ACACA: variants seen among roughly 807,000 people sequenced by gnomAD.
ACACA encodes the protein acetyl-CoA carboxylase alpha.
In ACACA, 103 loss-of-function variants were observed where a neutral mutation model predicts 296.1. The observed-to-expected ratio is 0.35, with a 90% CI of 0.30 to 0.41. The LOEUF (loss-of-function observed/expected upper bound fraction) is 0.41, where lower values mean the gene tolerates loss of function less well. Among genes scored for constraint, ACACA ranks in the 10% least tolerant of loss-of-function variants. The pLI is 1.00. For synonymous variants in ACACA, 953 were observed against 1,038.6 expected, an observed-to-expected ratio of 0.92 and a Z score of 1.58; for missense variants, 1,554 against 2,989.7, an observed-to-expected ratio of 0.52 and a Z score of 11.20.
At chr17:37,363,653 G>A (rs979007173) in intron 1 of ACACA, among the ~76,000 whole-genome samples, 1 of 151,994 alleles carries the variant, frequency 6.6e-6, no homozygotes, top group Non-Finnish European at 1.5e-5. Flanking sequence ...AGTCAGGTTT[G>A]AGTTGAATCA....
rs536446222 is a variant in ACACA at position 37,296,876 on chromosome 17, C to T, written c.339-11906G>A. On this transcript the variant is annotated intron_variant, in intron 3 of 55. Coordinates refer to ENST00000616317, the MANE Select transcript of ACACA (RefSeq NM_198834.3). ...GGATTACAGGATCCTACCACCACAC[C>T]CGGCTAATTTTTGTATTTTTAGTAG... 2.6e-5 allele frequency among the ~76,000 whole-genome samples: 4 copies of T among 151,426 alleles called. No individual in the cohort carries two copies. The East Asian group carries it at 6.0e-4, about 23-fold the overall frequency.
intron 2 of ACACA, among the ~76,000 whole-genome samples, chr17:37,338,198 A>G (rs1406407407): frequency 2.0e-5 from 3 of 151,076 alleles, no homozygotes; most frequent in Non-Finnish European, 4.4e-5. Context: ...ACTGCACTCC[A>G]GCCTGGTGAC....
At chr17:37,335,948 G>A (rs777342056) in intron 2 of ACACA, among the ~76,000 whole-genome samples, 16 of 151,850 alleles carry the variant, frequency 1.1e-4, no homozygotes, top group African/African-American at 2.4e-4. Context: ...CGAATATAAC[G>A]TAGAGCAAAG....
intron 3 of ACACA, among the ~76,000 whole-genome samples, chr17:37,314,382 AGCCACT>A (rs1290548518): frequency 6.6e-6 from 1 of 152,056 alleles, no homozygotes; most frequent in African/African-American, 2.4e-5. Context: ...TACAGGCATG[AGCCACT>A]GCGCCCGACC....
chr17:37,229,389 C>A (rs138792194), intron 25 of ACACA, among the ~76,000 whole-genome samples: 1 of 151,648 alleles, frequency 6.6e-6, no homozygotes, highest in Non-Finnish European at 1.5e-5. Flanking sequence ...CTGCAAGCTC[C>A]GCCTCCGGGG....
intron 1 of ACACA, chr17:37,389,217 T>C: frequency 6.4e-7 from 1 of 1,557,244 alleles, no homozygotes; most frequent in East Asian, 2.4e-5. Context: ...AGCCACTTCA[T>C]ATTAATACCA....
chr17:37,247,972 A>G, intron 18 of ACACA, 39 bp downstream of exon 18: 2 of 1,613,502 alleles, frequency 1.2e-6, no homozygotes, highest in Non-Finnish European at 1.7e-6. Flanking sequence ...GAAAAGGCTA[A>G]CAGGATGACC....
At position 37,235,069 on chromosome 17, in the gene ACACA, C is replaced by G. The variant is rs2080044318; in HGVS notation, c.3152G>C (p.Arg1051Pro). ...GTTCATGTCACTTTTATTCTCTTCT[C>G]GGAGGGCGAATACACATTTGTCATA... is the stretch of plus-strand genomic sequence containing the variant. ...GHYDKCVFAL[R>P]EENKSDMNTV... is the part of the protein sequence containing the mutation. The change falls in exon 25 of 56, where the codon CGA becomes CCA. Residue 1051 changes from arginine (R) to proline (P), a missense_variant. By Grantham distance (103) the Arg-to-Pro change is moderately radical (BLOSUM62 -2). Coordinates refer to ENST00000616317, the MANE Select transcript of ACACA (RefSeq NM_198834.3). The G allele has an allele frequency of 6.2e-7, 1 of 1,613,492 alleles. No homozygotes were observed. Among genetic ancestry groups the G allele is most frequent in the Non-Finnish European group, 8.5e-7 (1 of 1,179,888 alleles).
At position 37,270,905 on chromosome 17, in the gene ACACA, A is replaced by G. The variant is rs774441661; in HGVS notation, c.1009-44T>C. ...AAAAAATAGAAGAAACAGTGTTATT[A>G]CCAGGGAAGGAGAAAACTGGCATTT... On this transcript the variant is annotated intron_variant, in intron 9 of 55. Transcript: ENST00000616317. 2.7e-6 allele frequency: 4 copies of G among 1,498,736 alleles called. No individual in the cohort carries two copies. The South Asian group carries it at 4.5e-5, about 17-fold the overall frequency. The allele number at this position is 1,498,736 out of a possible 1,614,324, so 92.8% of individuals were successfully genotyped here.
chr17:37,149,554 C>T (rs764405690), intron 45 of ACACA, among the ~76,000 whole-genome samples: 13 of 152,128 alleles, frequency 8.5e-5, no homozygotes, highest in African/African-American at 2.2e-4. Flanking sequence ...CTTTCTACAA[C>T]GACACTAAAA....
intron 4 of ACACA, among the ~76,000 whole-genome samples, chr17:37,283,912 G>A (rs573688418): frequency 6.6e-6 from 1 of 152,290 alleles, no homozygotes; most frequent in East Asian, 1.9e-4. Flanking sequence ...CAGAAAGAAT[G>A]GTCACTGTTG....
chr17:37,179,463 A>G lies in ACACA; in HGVS notation c.4933-57T>C, dbSNP rs1431015786. The G allele has an allele frequency of 1.1e-5, 18 of 1,581,874 alleles. No individual in the cohort carries two copies. In the East Asian group the frequency reaches 3.4e-4, roughly 30 times the overall value. On this transcript the variant is annotated intron_variant, in intron 40 of 55. Transcript: ENST00000616317. ...CACAATAATTTCAATATAGACAAAA[A>G]TAATTATTAAGATTCAGTCAATCTG...
intron 12 of ACACA, 53 bp from the exon 13 acceptor site, chr17:37,258,426 T>C (rs2081310700): frequency 1.3e-6 from 2 of 1,554,658 alleles, no homozygotes; most frequent in African/African-American, 2.7e-5. Flanking sequence ...TCCCTTAAAG[T>C]GTAGAGGCTA....
intron 1 of ACACA, among the ~76,000 whole-genome samples, chr17:37,390,285 AAT>A (rs534154921): frequency 1.6e-4 from 8 of 49,320 alleles, no homozygotes; most frequent in African/African-American, 5.8e-4. Context: ...TATTATATAT[AAT>A]TATATATTAT....
At chr17:37,283,867 T>C (rs2146597880) in intron 4 of ACACA, among the ~76,000 whole-genome samples, 1 of 152,358 alleles carries the variant, frequency 6.6e-6, no homozygotes, top group Middle Eastern at 3.4e-3. Context: ...TCCAAAATAC[T>C]GAACTCCAAT....
intron 1 of ACACA, among the ~76,000 whole-genome samples, chr17:37,398,138 G>A (rs1290873013): frequency 6.7e-6 from 1 of 150,000 alleles, no homozygotes; most frequent in Admixed American, 6.6e-5. Context: ...CCTGAGGCAG[G>A]AGAATCACTT....
At chr17:37,375,946 G>A in intron 1 of ACACA, 1 of 604,170 alleles carries the variant, frequency 1.7e-6, no homozygotes, top group Non-Finnish European at 3.0e-6. Context: ...TCAGGAAATG[G>A]GGCAAAATAA....
At chr17:37,305,904 G>GTTTTTTTTTTTTTTT (rs200591761) in intron 3 of ACACA, among the ~76,000 whole-genome samples, 6 of 95,808 alleles carry the variant, frequency 6.3e-5, no homozygotes, top group Non-Finnish European at 1.3e-4. Context: ...TTTTTTTTTT[G>GTTTTTTTTTTTTTTT]TTTTTTTTTT....
chr17:37,347,470 GA>G (rs1379438164), intron 1 of ACACA, among the ~76,000 whole-genome samples: 1 of 151,978 alleles, frequency 6.6e-6, no homozygotes, highest in Non-Finnish European at 1.5e-5. Context: ...GCTTTTTTGT[GA>G]TTTTTGTGGA....
Sources: allele counts gnomAD v4.1 joint callset (sites outside exome capture counted in the v4.1 genomes callset), GRCh38; gene constraint gnomAD v4.1.1; transcripts MANE v1.5; gene names NCBI Gene and HGNC (gene_info 2026-07-23, HGNC 2026-07-21).